Variants in POU6F2 observed in about 807,000 individuals in gnomAD.
POU6F2 encodes POU domain, class 6, transcription factor 2.
A neutral mutation model predicts 71.3 loss-of-function variants in POU6F2; 31 were observed. That is an observed-to-expected ratio of 0.43 (90% CI 0.33 to 0.59). POU6F2 has a LOEUF of 0.59. POU6F2 is among the 20% of genes least tolerant of loss of function. POU6F2 has a pLI of 0.04. For missense variants in POU6F2, 783 were observed against 856.8 expected, an observed-to-expected ratio of 0.91 and a Z score of 1.07; for synonymous variants, 347 against 355.7, an observed-to-expected ratio of 0.98 and a Z score of 0.27.
At chr7:39,053,264 G>A (rs1790434309) in intron 1 of POU6F2, among the ~76,000 whole-genome samples, 1 of 152,108 alleles carries the variant, frequency 6.6e-6, no homozygotes, top group East Asian at 1.9e-4. Context: ...GTTCCAGAAA[G>A]TAAGCATTCA....
At chr7:39,347,628 CTATTATTAT>C (rs5883686) in intron 5 of POU6F2, among the ~76,000 whole-genome samples, 35 of 140,440 alleles carry the variant, frequency 2.5e-4, no homozygotes, top group Non-Finnish European at 3.8e-4. Flanking sequence ...ATTATTATTA[CTATTATTAT>C]TATTATTATT....
chr7:39,298,549 C>T (rs188432398), intron 4 of POU6F2, among the ~76,000 whole-genome samples: 10 of 152,166 alleles, frequency 6.6e-5, no homozygotes, highest in Non-Finnish European at 1.2e-4. Flanking sequence ...ACTTTTACAC[C>T]GTTGGTGGGA....
At position 39,439,184 on chromosome 7, in the gene POU6F2, G is replaced by GTTT. The variant is rs61692037; in HGVS notation, c.1320+5909_1320+5911dup. Among the ~76,000 whole-genome samples the GTTT allele has an allele frequency of 4.5e-3, 665 of 148,394 alleles. 8 individuals carry two copies. The highest frequency in any genetic ancestry group is 0.015 in the African/African-American group (625 of 40,656). Reference sequence around the variant, plus strand: ...TCAGAGACTAGGATTGCAACCCCTGGTTTTTTTTTTGCTTTCCATTTGCTT... The same window carrying GTTT: ...TCAGAGACTAGGATTGCAACCCCTGGTTTTTTTTTTTTTGCTTTCCATTTGCTT... On this transcript the variant is annotated intron_variant, in intron 7 of 9. Coordinates refer to ENST00000518318, the MANE Select transcript of POU6F2 (RefSeq NM_001370959.1).
At chr7:39,168,062 C>A (rs1452492582) in intron 2 of POU6F2, among the ~76,000 whole-genome samples, 1 of 151,916 alleles carries the variant, frequency 6.6e-6, no homozygotes, top group Non-Finnish European at 1.5e-5. Flanking sequence ...TAAGAATTTT[C>A]AAATTGAGAA....
chr7:39,238,488 C>T (rs770270794), intron 4 of POU6F2, among the ~76,000 whole-genome samples: 6 of 152,188 alleles, frequency 3.9e-5, no homozygotes, highest in East Asian at 1.9e-4. Context: ...GTATTGTTTG[C>T]GGCTGCTTTT....
In POU6F2 at chr7:39,464,442, G is replaced by T. The variant is rs200415799; in HGVS notation, c.1919G>T (p.Arg640Leu). The change falls in exon 10 of 10, where the codon CGC (arginine) becomes CTC (leucine). Residue 640 changes from arginine (R) to leucine (L), a missense_variant. Transcript: ENST00000518318. The surrounding 1 kb of genome is among the most constrained non-coding windows in gnomAD (Gnocchi z 4.1). ...GAACCATCCAAAAAGCGCAAGCGGCGCACCTCCTTCACACCCCAGGCCCTT... is the reference window on the plus strand; with the variant it reads ...GAACCATCCAAAAAGCGCAAGCGGCTCACCTCCTTCACACCCCAGGCCCTT... ...GSEPSKKRKR[R>L]TSFTPQALEI... 1 of 1,613,954 alleles carries T rather than the reference G, an allele frequency of 6.2e-7. No homozygotes were observed. Among genetic ancestry groups the T allele is most frequent in the Admixed American group, 1.7e-5 (1 of 60,010 alleles).
At chr7:39,425,811 A>G (rs553013145) in intron 6 of POU6F2, among the ~76,000 whole-genome samples, 7 of 152,148 alleles carry the variant, frequency 4.6e-5, no homozygotes, top group Non-Finnish European at 8.8e-5. Flanking sequence ...GACTCATAAA[A>G]TGTCTTTTCT....
At chr7:39,336,005 T>C (rs1233544385) in intron 4 of POU6F2, among the ~76,000 whole-genome samples, 1 of 152,186 alleles carries the variant, frequency 6.6e-6, no homozygotes, top group East Asian at 1.9e-4. Flanking sequence ...CTCAGGACCA[T>C]AAAGCCATGA....
At chr7:39,330,776 T>C (rs544692151) in intron 4 of POU6F2, among the ~76,000 whole-genome samples, 1 of 152,342 alleles carries the variant, frequency 6.6e-6, no homozygotes, top group East Asian at 1.9e-4. Flanking sequence ...TATGTTGTAT[T>C]CATTATTTCG....
intron 1 of POU6F2, among the ~76,000 whole-genome samples, chr7:38,990,963 C>T (rs1788588864): frequency 6.6e-6 from 1 of 152,092 alleles, no homozygotes; most frequent in African/African-American, 2.4e-5. Flanking sequence ...CGTCTATTCA[C>T]ATCTCCCTTC....
chr7:39,129,468 C>T (rs1400768494), intron 2 of POU6F2, among the ~76,000 whole-genome samples: 1 of 152,182 alleles, frequency 6.6e-6, no homozygotes, highest in East Asian at 1.9e-4. Flanking sequence ...AAGCTTTGCC[C>T]TCAGCTTAAC....
chr7:39,135,878 C>A (rs1792379018), intron 2 of POU6F2, among the ~76,000 whole-genome samples: 1 of 152,090 alleles, frequency 6.6e-6, no homozygotes, highest in South Asian at 2.1e-4. Context: ...CCTTGGCAAT[C>A]CAGGAGCACC....
chr7:39,098,549 G>A (rs960285085), intron 2 of POU6F2, among the ~76,000 whole-genome samples: 2 of 151,972 alleles, frequency 1.3e-5, no homozygotes, highest in East Asian at 3.9e-4. Context: ...TCAAACTGTT[G>A]GGATTACAGG....
chr7:39,329,094 T>G (rs916100736), intron 4 of POU6F2: 1 of 155,596 alleles, frequency 6.4e-6, no homozygotes, highest in Non-Finnish European at 1.4e-5. Flanking sequence ...GTATAATTGC[T>G]CATATCACAG....
In POU6F2 at chr7:39,330,201, G is replaced by A. The variant is rs575671605; in HGVS notation, c.599-9441G>A. On this transcript the variant is annotated intron_variant, in intron 4 of 9. Coordinates refer to ENST00000518318, the MANE Select transcript of POU6F2 (RefSeq NM_001370959.1). ...CTTTTATTAACTTGATATATCATCT[G>A]TTCATTTCCTGCTATGGAGTATGAG... Among the ~76,000 whole-genome samples, 5 of 152,224 alleles carry A rather than the reference G, an allele frequency of 3.3e-5. No homozygotes were observed. In the South Asian group the frequency reaches 1.0e-3, roughly 32 times the overall value.
chr7:39,331,762 C>T (rs534755613), intron 4 of POU6F2, among the ~76,000 whole-genome samples: 20 of 152,330 alleles, frequency 1.3e-4, no homozygotes, highest in Non-Finnish European at 2.2e-4. Context: ...CTGGCCGCCT[C>T]GGCCTCCCAG....
rs184145127 is a variant in POU6F2, at chr7:39,191,110, C to T, written c.278-13125C>T. Among the ~76,000 whole-genome samples the T allele has an allele frequency of 2.0e-5, 3 of 152,248 alleles. No homozygotes were observed. The East Asian group carries it at 5.8e-4, about 29-fold the overall frequency. On this transcript the variant is annotated intron_variant, in intron 2 of 9. Transcript: ENST00000518318. ...TATAAAGCCCATTGACTAATGAGTACTAACGTATTTTATTCATTCTAAGAT... is the reference window on the plus strand; with the variant it reads ...TATAAAGCCCATTGACTAATGAGTATTAACGTATTTTATTCATTCTAAGAT...
At chr7:39,082,099 A>G (rs976032500) in intron 1 of POU6F2, among the ~76,000 whole-genome samples, 58 of 152,190 alleles carry the variant, frequency 3.8e-4, no homozygotes, top group African/African-American at 1.3e-3. Flanking sequence ...ATTCCTTCAT[A>G]ATGCTTGAAG....
intron 1 of POU6F2, among the ~76,000 whole-genome samples, chr7:39,080,423 T>C (rs1212843663): frequency 6.6e-6 from 1 of 152,214 alleles, no homozygotes; most frequent in Non-Finnish European, 1.5e-5. Flanking sequence ...AAACACAAAA[T>C]ATGACGGTGT....
Sources: allele counts gnomAD v4.1 joint callset (sites outside exome capture counted in the v4.1 genomes callset), GRCh38; gene constraint gnomAD v4.1.1; non-coding constraint Gnocchi (gnomAD v3.1); transcripts MANE v1.5; gene names NCBI Gene and HGNC (gene_info 2026-07-23, HGNC 2026-07-21).